FA2H: variants seen among roughly 807,000 people sequenced by gnomAD.
The protein encoded by FA2H is fatty acid alpha-hydroxylase.
FA2H carries 22 observed loss-of-function variants against 44.9 expected under a neutral mutation model. That is an observed-to-expected ratio of 0.49 (90% CI 0.35 to 0.70). The LOEUF is 0.70. Ranked by LOEUF, FA2H falls within the 30% of genes least tolerant of loss-of-function variation. FA2H has a pLI of 0.01. For missense variants in FA2H, 501 were observed against 504.9 expected, an observed-to-expected ratio of 0.99 and a Z score of 0.07; for synonymous variants, 243 against 213.2, an observed-to-expected ratio of 1.14 and a Z score of -1.22.
intron 2 of FA2H, among the ~76,000 whole-genome samples, chr16:74,728,732 A>T (rs1489903673): frequency 6.9e-6 from 1 of 144,592 alleles, no homozygotes; most frequent in African/African-American, 2.6e-5. Flanking sequence ...CCCTATTTCT[A>T]TTGCTATTAT....
At chr16:74,739,551 C>T (rs890987575) in intron 2 of FA2H, among the ~76,000 whole-genome samples, 1 of 152,202 alleles carries the variant, frequency 6.6e-6, no homozygotes, top group Non-Finnish European at 1.5e-5. Flanking sequence ...TCTCTGACTC[C>T]TCCCAAACAC....
intron 2 of FA2H, among the ~76,000 whole-genome samples, chr16:74,730,695 C>T (rs1432511947): frequency 2.6e-5 from 4 of 152,142 alleles, no homozygotes; most frequent in South Asian, 4.1e-4. Flanking sequence ...AGGGTCAAGG[C>T]GAGAATGTAA....
At position 74,726,298 on chromosome 16, in the gene FA2H, C is replaced by T; in HGVS notation, c.540G>A (p.Val180=). The T allele has an allele frequency of 6.2e-7, 1 of 1,614,012 alleles. No homozygotes were observed. Among genetic ancestry groups the T allele is most frequent in the South Asian group, 1.1e-5 (1 of 91,036 alleles). Residue 180 remains valine, a synonymous_variant, in exon 4 of 7, where the codon GTG becomes GTA. Coordinates refer to ENST00000219368, the MANE Select transcript of FA2H (RefSeq NM_024306.5). ...GGTAGTAGGACCAGCTGAGATACAG[C>T]ACCAGGGGCACCCAGATGATGGGGA... is the stretch of plus-strand genomic sequence containing the variant. The part of the protein sequence containing the change: ...YSVPIIWVPL[V]LYLSWSYYRT...
chr16:74,726,857 T>C (rs1189724371), intron 3 of FA2H, among the ~76,000 whole-genome samples: 1 of 152,136 alleles, frequency 6.6e-6, no homozygotes, highest in Non-Finnish European at 1.5e-5. Flanking sequence ...GTCTCTGAGA[T>C]GAGTTACTGG....
chr16:74,726,539 C>T (rs920260547), intron 3 of FA2H, among the ~76,000 whole-genome samples: 2 of 152,288 alleles, frequency 1.3e-5, no homozygotes, highest in South Asian at 2.1e-4. Flanking sequence ...CAGGCATGTG[C>T]CACCACACCC....
At chr16:74,726,017 T>G in intron 4 of FA2H, 2 of 554,546 alleles carry the variant, frequency 3.6e-6, no homozygotes. Context: ...TCTGCTGATG[T>G]GTTGTTGGGT....
chr16:74,771,703 C>T (rs998963349), intron 1 of FA2H, among the ~76,000 whole-genome samples: 1 of 152,120 alleles, frequency 6.6e-6, no homozygotes, highest in African/African-American at 2.4e-5. Flanking sequence ...AAACACCAAC[C>T]TCTCAGATTA....
At chr16:74,739,376 C>A (rs1348641059) in intron 2 of FA2H, among the ~76,000 whole-genome samples, 1 of 152,144 alleles carries the variant, frequency 6.6e-6, no homozygotes, top group Non-Finnish European at 1.5e-5. Flanking sequence ...CCTCCAGTGA[C>A]CCCTCCAGGC....
Position 74,774,730 on chromosome 16 carries a change from G to A in FA2H, c.26C>T (p.Ala9Val), listed in dbSNP as rs12930201. 6.0e-6 allele frequency: 8 copies of A among 1,323,504 alleles called. No homozygotes were observed. Among genetic ancestry groups the A allele is most frequent in the Non-Finnish European group, 7.6e-6 (8 of 1,046,436 alleles). The allele number at this position is 1,323,504 out of a possible 1,614,324, so 82.0% of individuals were successfully genotyped here. A position where few individuals can be genotyped will look rare whatever the true frequency, so the allele number is the denominator to read the frequency against. MAPAPPPA[A>V]SFSPSEVQRR... Reference sequence around the variant, plus strand: ...CTGGACCTCGGAGGGCGAGAAGGAGGCGGCGGGGGGCGGAGCGGGGGCCAT... The same window carrying A: ...CTGGACCTCGGAGGGCGAGAAGGAGACGGCGGGGGGCGGAGCGGGGGCCAT... Residue 9 changes from alanine (A) to valine (V), a missense_variant, in exon 1 of 7, where the codon GCC becomes GTC. Transcript: ENST00000219368.
intron 1 of FA2H, among the ~76,000 whole-genome samples, chr16:74,761,902 G>A (rs186753971): frequency 6.6e-6 from 1 of 152,214 alleles, no homozygotes; most frequent in Admixed American, 6.5e-5. Flanking sequence ...ATGAATGAAG[G>A]AAGAAGCCTT....
At chr16:74,732,234 T>C (rs1355675036) in intron 2 of FA2H, among the ~76,000 whole-genome samples, 3 of 152,160 alleles carry the variant, frequency 2.0e-5, no homozygotes, top group African/African-American at 7.2e-5. Flanking sequence ...ACATGACAGA[T>C]ACTGCTATCC....
chr16:74,756,173 G>A (rs540906454), intron 1 of FA2H, among the ~76,000 whole-genome samples: 52 of 152,246 alleles, frequency 3.4e-4, no homozygotes, highest in Non-Finnish European at 5.1e-4. Context: ...GGTCATCCAC[G>A]CACACGTGGA....
chr16:74,738,107 G>A (rs554937115), intron 2 of FA2H, among the ~76,000 whole-genome samples: 4 of 152,336 alleles, frequency 2.6e-5, no homozygotes, highest in East Asian at 1.9e-4. Flanking sequence ...ACCCGGGCAG[G>A]TGGGGGCTCC....
rs535840465 is a variant in FA2H, at chr16:74,743,987, T to C, written c.271-3872A>G. ...TTTCTCAAGTCTAGTTGTGAGATTC[T>C]AGGTCTAAAAACCCTCCCTACACAC... On this transcript the variant is annotated intron_variant, in intron 1 of 6. Transcript: ENST00000219368. Among the ~76,000 whole-genome samples, 3 of 152,266 alleles carry C rather than the reference T, an allele frequency of 2.0e-5. No homozygotes were observed. In the East Asian group the frequency reaches 5.8e-4, roughly 29 times the overall value.
intron 1 of FA2H, among the ~76,000 whole-genome samples, chr16:74,769,819 G>T (rs770665339): frequency 6.6e-6 from 1 of 152,186 alleles, no homozygotes; most frequent in Non-Finnish European, 1.5e-5. Flanking sequence ...TGACCCCACC[G>T]CCCTGAGCTC....
At chr16:74,755,426 C>T (rs1286312034) in intron 1 of FA2H, among the ~76,000 whole-genome samples, 3 of 151,688 alleles carry the variant, frequency 2.0e-5, no homozygotes, top group Non-Finnish European at 4.4e-5. Flanking sequence ...GTGATCCACC[C>T]GCCTCGGCCT....
intron 1 of FA2H, among the ~76,000 whole-genome samples, chr16:74,742,155 G>A (rs1962325781): frequency 6.6e-6 from 1 of 152,210 alleles, no homozygotes; most frequent in East Asian, 1.9e-4. Flanking sequence ...CCAGTGGGTC[G>A]TGTTTCAATG....
At chr16:74,758,803 G>C (rs900920308) in intron 1 of FA2H, among the ~76,000 whole-genome samples, 1 of 152,178 alleles carries the variant, frequency 6.6e-6, no homozygotes, top group Non-Finnish European at 1.5e-5. Context: ...CAAGTGTCTA[G>C]GACACAGTGG....
intron 6 of FA2H, 32 bp downstream of exon 6, chr16:74,716,315 T>G (rs201153288): frequency 2.5e-6 from 4 of 1,610,394 alleles, no homozygotes; most frequent in Middle Eastern, 1.7e-4. Flanking sequence ...TGAACACACA[T>G]AGGGGGCTGG....
Sources: gnomAD v4.1 joint callset for allele counts (sites outside exome capture counted in the v4.1 genomes callset) on GRCh38, gnomAD v4.1.1 for gene constraint, MANE v1.5 for transcripts, NCBI Gene and HGNC (gene_info 2026-07-23, HGNC 2026-07-21) for gene names.